PDZD2: variants seen among roughly 807,000 people sequenced by gnomAD.
PDZD2 encodes the protein PDZ domain containing 2.
Under a neutral mutation model 220.7 loss-of-function variants are expected in PDZD2, and 90 were observed. That is an observed-to-expected ratio of 0.41 (90% CI 0.34 to 0.49). PDZD2 has a LOEUF of 0.49. Ranked by LOEUF, PDZD2 falls within the 20% of genes least tolerant of loss-of-function variation. PDZD2 has a pLI of 0.28. For synonymous variants in PDZD2, 1,375 were observed against 1,450.5 expected (o/e 0.95, Z 1.18); for missense variants, 3,174 against 3,608.5 (o/e 0.88, Z 3.08).
chr5:31,718,764 G>A (rs1043007880), intron 1 of PDZD2, among the ~76,000 whole-genome samples: 42 of 137,994 alleles, frequency 3.0e-4, no homozygotes, highest in East Asian at 2.3e-4. Context: ...GCAGTAGCAC[G>A]ATCTCGGCTC....
intron 1 of PDZD2, among the ~76,000 whole-genome samples, chr5:31,652,953 A>C (rs1745407501): frequency 6.6e-6 from 1 of 152,098 alleles, no homozygotes; most frequent in African/African-American, 2.4e-5. Flanking sequence ...CGGAGGTTTC[A>C]GTGAGCCGAG....
intron 1 of PDZD2, among the ~76,000 whole-genome samples, chr5:31,747,484 T>C (rs1457208172): frequency 6.6e-6 from 1 of 152,148 alleles, no homozygotes; most frequent in Non-Finnish European, 1.5e-5. Context: ...TGCTGTTTTT[T>C]CAGGTGACAA....
intron 1 of PDZD2, among the ~76,000 whole-genome samples, chr5:31,781,344 T>C (rs1753052419): frequency 1.3e-5 from 2 of 151,890 alleles, no homozygotes; most frequent in African/African-American, 2.4e-5. Flanking sequence ...AACCCAGGAG[T>C]TGGAGGTTGC....
intron 1 of PDZD2, among the ~76,000 whole-genome samples, chr5:31,721,770 T>C (rs986529207): frequency 8.9e-4 from 135 of 151,720 alleles, no homozygotes; most frequent in Non-Finnish European, 9.6e-4. Context: ...TAGCAGTGCC[T>C]TGCAGTTGTG....
intron 5 of PDZD2, among the ~76,000 whole-genome samples, chr5:32,003,195 C>A (rs1279315390): frequency 8.3e-6 from 1 of 120,526 alleles, no homozygotes; most frequent in African/African-American, 3.2e-5. Context: ...ACACACACTA[C>A]ACACACCACA....
chr5:32,108,020 CTA>C lies in PDZD2; in HGVS notation c.8407_8408del (p.Ile2803Ter). The C allele has an allele frequency of 6.2e-7, 1 of 1,612,558 alleles. No individual in the cohort carries two copies. The highest frequency in any genetic ancestry group is 8.5e-7 in the Non-Finnish European group (1 of 1,178,652). Reference sequence around the variant, plus strand: ...ATAGAAGCTGGAGATGAAATTCTTGCTATTAATGGGAAACCTCTGGTTGGGCT... The same window carrying C: ...ATAGAAGCTGGAGATGAAATTCTTGCTTAATGGGAAACCTCTGGTTGGGCT... On this transcript the variant is annotated frameshift_variant, in exon 25 of 25. Transcript: ENST00000438447. LOFTEE classifies it high-confidence loss of function.
At chr5:31,777,366 C>G (rs2877218) in intron 1 of PDZD2, among the ~76,000 whole-genome samples, 10,937 of 152,274 alleles carry the variant, frequency 0.072, 1,154 homozygotes, top group East Asian at 0.53. Context: ...ACCTGCAGCC[C>G]GCCATGCCTG....
rs531822231 is a variant in PDZD2 at position 31,756,804 on chromosome 5, T to C, written c.-360-42085T>C. ...TGGGGAAGGCCCAATTTCTTCTAAG[T>C]TGGCCCTGCTGGGCGCCATGCAAAA... is the stretch of plus-strand genomic sequence containing the variant. On this transcript the variant is annotated intron_variant, in intron 1 of 24. Coordinates refer to ENST00000438447, the MANE Select transcript of PDZD2 (RefSeq NM_178140.4). Among the ~76,000 whole-genome samples the C allele has an allele frequency of 3.7e-4, 57 of 152,386 alleles. 1 individual carries two copies. The South Asian group carries it at 0.011, about 30-fold the overall frequency.
chr5:31,815,245 C>CAAAAAAAAAAAAAAAAAAAAAAAAA (rs59040987), intron 2 of PDZD2, among the ~76,000 whole-genome samples: 7 of 57,916 alleles, frequency 1.2e-4, no homozygotes, highest in African/African-American at 4.7e-4. Context: ...AACTCTGTCT[C>CAAAAAAAAAAAAAAAAAAAAAAAAA]AAAAAAAAAA....
intron 1 of PDZD2, among the ~76,000 whole-genome samples, chr5:31,793,884 C>T (rs969128207): frequency 3.3e-5 from 5 of 152,156 alleles, no homozygotes; most frequent in South Asian, 2.1e-4. Flanking sequence ...GCACAGTTGT[C>T]TCTTCGTGCT....
At chr5:31,889,673 T>TG (rs1245984854) in intron 2 of PDZD2, among the ~76,000 whole-genome samples, 1 of 152,176 alleles carries the variant, frequency 6.6e-6, no homozygotes, top group East Asian at 1.9e-4. Context: ...AAAGAGGGCC[T>TG]GGTGGTGGCC....
At chr5:31,706,144 G>A (rs748910517) in intron 1 of PDZD2, among the ~76,000 whole-genome samples, 16 of 152,150 alleles carry the variant, frequency 1.1e-4, no homozygotes, top group Non-Finnish European at 2.1e-4. Flanking sequence ...CTGGATTAAC[G>A]GCTGAATGTA....
chr5:31,712,476 CT>C (rs1561399505), intron 1 of PDZD2, among the ~76,000 whole-genome samples: 11 of 84,644 alleles, frequency 1.3e-4, no homozygotes, highest in African/African-American at 4.1e-4. Flanking sequence ...CTCTCTCTCT[CT>C]CTCTCCCCCT....
chr5:32,052,874 A>G, intron 9 of PDZD2, 144 bp downstream of exon 9: 1 of 787,812 alleles, frequency 1.3e-6, no homozygotes. Flanking sequence ...GCAGTGGTGC[A>G]ATCATGGCTC....
At chr5:31,729,015 G>A (rs1001260585) in intron 1 of PDZD2, among the ~76,000 whole-genome samples, 12 of 151,768 alleles carry the variant, frequency 7.9e-5, no homozygotes, top group East Asian at 1.9e-4. Flanking sequence ...CACCGCGCCC[G>A]GCCGCAATGT....
intron 1 of PDZD2, among the ~76,000 whole-genome samples, chr5:31,725,199 G>A (rs367806538): frequency 4.7e-4 from 72 of 152,078 alleles, no homozygotes; most frequent in Non-Finnish European, 7.5e-4. Flanking sequence ...TTAGCCAGGC[G>A]TGGTGGCACA....
At chr5:31,713,876 A>G (rs1029266204) in intron 1 of PDZD2, among the ~76,000 whole-genome samples, 1 of 152,196 alleles carries the variant, frequency 6.6e-6, no homozygotes, top group Non-Finnish European at 1.5e-5. Context: ...CATGAGCAGA[A>G]GCATCTTGAG....
intron 7 of PDZD2, among the ~76,000 whole-genome samples, chr5:32,045,721 C>G (rs898113517): frequency 1.6e-4 from 25 of 151,826 alleles, no homozygotes; most frequent in Admixed American, 2.0e-4. Context: ...GTCACCGCGC[C>G]CAGCCTATGA....
chr5:31,984,378 C>T (rs907262116), intron 3 of PDZD2, among the ~76,000 whole-genome samples: 1 of 152,132 alleles, frequency 6.6e-6, no homozygotes, highest in Non-Finnish European at 1.5e-5. Flanking sequence ...ATGAGAATTG[C>T]ATTTCTTTAG....
Sources: allele counts gnomAD v4.1 joint callset (sites outside exome capture counted in the v4.1 genomes callset), GRCh38; gene constraint gnomAD v4.1.1; transcripts MANE v1.5; gene names NCBI Gene and HGNC (gene_info 2026-07-23, HGNC 2026-07-21).